The following CFAP54 variants were observed in gnomAD, a reference collection of about 807,000 sequenced individuals.
CFAP54 encodes the protein cilia and flagella associated protein 54.
Under a neutral mutation model 370.4 loss-of-function variants are expected in CFAP54, and 290 were observed. That is an observed-to-expected ratio of 0.78 (90% CI 0.71 to 0.86). CFAP54 has a LOEUF of 0.86. Among genes scored for constraint, CFAP54 ranks in the 40% least tolerant of loss-of-function variants. The probability of loss-of-function intolerance (pLI) is 0.00; values close to 1 mark genes in which losing one functional copy is unlikely to be tolerated. For synonymous variants in CFAP54, 1,206 were observed against 1,236.5 expected, an observed-to-expected ratio of 0.98 and a Z score of 0.52; for missense variants, 3,399 against 3,528.7, an observed-to-expected ratio of 0.96 and a Z score of 0.93.
intron 2 of CFAP54, among the ~76,000 whole-genome samples, 171 bp from the exon 3 acceptor site, chr12:96,503,715 T>C (rs936032758): frequency 2.0e-5 from 3 of 152,182 alleles, no homozygotes; most frequent in African/African-American, 7.2e-5. Flanking sequence ...TGCACATACA[T>C]TGTATAGTGC....
intron 53 of CFAP54, 37 bp from the exon 54 acceptor site, chr12:96,743,694 A>G: frequency 6.4e-7 from 1 of 1,560,832 alleles, no homozygotes; most frequent in Non-Finnish European, 8.7e-7. Flanking sequence ...GTGAATTGGA[A>G]ACAGTACTAT....
At chr12:96,871,170 C>T (rs1194401291) in intron 67 of CFAP54, among the ~76,000 whole-genome samples, 1 of 152,092 alleles carries the variant, frequency 6.6e-6, no homozygotes, top group Non-Finnish European at 1.5e-5. Flanking sequence ...TGATGAGACT[C>T]CAGAGAATCC....
chr12:96,526,986 C>G (rs551297792), intron 8 of CFAP54, among the ~76,000 whole-genome samples: 18 of 150,828 alleles, frequency 1.2e-4, no homozygotes, highest in African/African-American at 4.2e-4. Context: ...CCTCTACCTC[C>G]CTGGGCTCAG....
At chr12:96,825,320 A>AT (rs1959078127) in intron 65 of CFAP54, among the ~76,000 whole-genome samples, 2 of 127,366 alleles carry the variant, frequency 1.6e-5, no homozygotes, top group East Asian at 2.2e-4. Flanking sequence ...AATATAATAT[A>AT]TATTATATAA....
At chr12:96,511,586 G>A (rs746827798) in intron 4 of CFAP54, among the ~76,000 whole-genome samples, 2 of 152,148 alleles carry the variant, frequency 1.3e-5, no homozygotes, top group African/African-American at 2.4e-5. Context: ...CCAAAGTGCT[G>A]GGATTACAGG....
In CFAP54 at chr12:96,825,448, A is replaced by G. The variant is rs1456954770; in HGVS notation, c.9097-3566A>G. Among the ~76,000 whole-genome samples the G allele has an allele frequency of 7.7e-5, 9 of 116,942 alleles. 1 individual carries two copies. Among genetic ancestry groups the G allele is most frequent in the South Asian group, 7.1e-4 (3 of 4,248 alleles). The allele number at this position is 116,942 out of a possible 152,430, so 76.7% of individuals were successfully genotyped here. ...TTATATTATATATAATATATGTTAT[A>G]TTATATATAATATAATATATTATAT... On this transcript the variant is annotated intron_variant, in intron 65 of 67. Transcript: ENST00000524981.
Position 96,649,902 on chromosome 12 carries a change from T to C in CFAP54, c.4702T>C (p.Phe1568Leu). The C allele has an allele frequency of 6.3e-7, 1 of 1,594,050 alleles. No individual in the cohort carries two copies. The highest frequency in any genetic ancestry group is 8.5e-7 in the Non-Finnish European group (1 of 1,170,186). ...KANLPSDAEEFSTFINSIMSD... is the reference protein window; with the variant it reads ...KANLPSDAEELSTFINSIMSD... ...TTTTTGTACTGTAGATGCTGAAGAA[T>C]TTTCTACATTTATTAATTCCATAAT... Residue 1568 changes from phenylalanine (F) to leucine (L), a missense_variant, in exon 35 of 68, where the codon TTT (phenylalanine) becomes CTT (leucine). By Grantham distance (22) the Phe-to-Leu change is conservative. Coordinates refer to ENST00000524981, the MANE Select transcript of CFAP54 (RefSeq NM_001306084.2).
intron 14 of CFAP54, among the ~76,000 whole-genome samples, chr12:96,545,088 T>C (rs191776861): frequency 3.9e-5 from 6 of 152,184 alleles, no homozygotes; most frequent in Non-Finnish European, 7.4e-5. Flanking sequence ...TTTTTTTGTA[T>C]TTTTAGTAGA....
intron 62 of CFAP54, among the ~76,000 whole-genome samples, chr12:96,789,693 T>C (rs1191268807): frequency 6.6e-6 from 1 of 152,168 alleles, no homozygotes; most frequent in Non-Finnish European, 1.5e-5. Flanking sequence ...ACGTTGTAAA[T>C]ACAAGTGACA....
chr12:96,726,461 G>A (rs564151949), intron 50 of CFAP54, among the ~76,000 whole-genome samples: 65 of 152,278 alleles, frequency 4.3e-4, no homozygotes, highest in African/African-American at 1.2e-3. Context: ...GTTTATTTGC[G>A]TAGAGGTGTT....
At chr12:96,604,207 C>A (rs1956276207) in intron 26 of CFAP54, among the ~76,000 whole-genome samples, 1 of 151,688 alleles carries the variant, frequency 6.6e-6, no homozygotes. Context: ...TCTAATAGGC[C>A]CCTCAGCTGC....
Position 96,552,765 on chromosome 12 carries a change from A to T in CFAP54, c.2155-1417A>T, listed in dbSNP as rs1056863755. Among the ~76,000 whole-genome samples the T allele has an allele frequency of 5.9e-5, 9 of 152,200 alleles. No individual in the cohort carries two copies. The East Asian group carries it at 1.7e-3, about 29-fold the overall frequency. On this transcript the variant is annotated intron_variant, in intron 15 of 67. Transcript: ENST00000524981. ...ATGAACTGGAGTAGGCTTATACTAG[A>T]GTAAACTTGGCATCATTGCAATTCC...
intron 66 of CFAP54, among the ~76,000 whole-genome samples, chr12:96,841,997 A>G (rs548925558): frequency 6.6e-6 from 1 of 152,350 alleles, no homozygotes; most frequent in East Asian, 1.9e-4. Flanking sequence ...CATTCAATAC[A>G]TTGTGGTCAT....
chr12:96,508,533 G>A (rs1005374033), intron 4 of CFAP54, among the ~76,000 whole-genome samples: 10 of 151,096 alleles, frequency 6.6e-5, no homozygotes, highest in African/African-American at 1.9e-4. Context: ...CAATCCGCCC[G>A]CCTCCACCTC....
intron 39 of CFAP54, among the ~76,000 whole-genome samples, chr12:96,668,861 G>C (rs1005682295): frequency 6.6e-6 from 1 of 152,158 alleles, no homozygotes; most frequent in Non-Finnish European, 1.5e-5. Flanking sequence ...TTGTATATGC[G>C]TATAAATGTA....
At chr12:96,859,371 CCTA>C (rs1306572469) in intron 66 of CFAP54, among the ~76,000 whole-genome samples, 1 of 151,688 alleles carries the variant, frequency 6.6e-6, no homozygotes, top group African/African-American at 2.4e-5. Context: ...AACAAGCAGT[CCTA>C]CTCCAGAATG....
chr12:96,648,580 CTTTTTTTT>C (rs11303164), intron 34 of CFAP54, among the ~76,000 whole-genome samples: 1 of 58,666 alleles, frequency 1.7e-5, no homozygotes, highest in Non-Finnish European at 3.0e-5. Flanking sequence ...AAACAGGGTT[CTTTTTTTT>C]TTTTTTTTTT....
intron 26 of CFAP54, among the ~76,000 whole-genome samples, chr12:96,614,855 A>T (rs1404228979): frequency 6.6e-6 from 1 of 152,256 alleles, no homozygotes; most frequent in African/African-American, 2.4e-5. Context: ...TCAATGAAAT[A>T]AAAGAGGACA....
intron 14 of CFAP54, among the ~76,000 whole-genome samples, chr12:96,545,947 C>G (rs746169012): frequency 1.3e-4 from 20 of 152,172 alleles, no homozygotes; most frequent in Non-Finnish European, 2.1e-4. Context: ...CTATGTATCT[C>G]TTTATCTGTA....
Sources: gnomAD v4.1 joint callset for allele counts (sites outside exome capture counted in the v4.1 genomes callset) on GRCh38, gnomAD v4.1.1 for gene constraint, MANE v1.5 for transcripts, NCBI Gene and HGNC (gene_info 2026-07-23, HGNC 2026-07-21) for gene names.